The following CCBE1 variants were observed in gnomAD, a reference collection of about 807,000 sequenced individuals.
CCBE1 encodes the protein collagen and calcium binding EGF domains 1, also known as collagen and calcium-binding EGF domain-containing protein 1.
Under a neutral mutation model 50.0 loss-of-function variants are expected in CCBE1, and 37 were observed. The observed-to-expected ratio is 0.74, with a 90% CI of 0.57 to 0.97. CCBE1 has a LOEUF of 0.97. Ranked by LOEUF, CCBE1 falls within the 50% of genes least tolerant of loss-of-function variation. The probability of loss-of-function intolerance (pLI) is 0.00; values close to 1 mark genes in which losing one functional copy is unlikely to be tolerated. For synonymous variants in CCBE1, 234 were observed against 203.7 expected (o/e 1.15, Z -1.27); for missense variants, 538 against 523.8 (o/e 1.03, Z -0.26).
At chr18:59,470,385 A>G (rs1911974003) in intron 3 of CCBE1, among the ~76,000 whole-genome samples, 1 of 152,172 alleles carries the variant, frequency 6.6e-6, no homozygotes, top group African/African-American at 2.4e-5. Flanking sequence ...GAATTAAGGG[A>G]GCTACAATTC....
At chr18:59,593,351 G>C (rs1407008303) in intron 2 of CCBE1, among the ~76,000 whole-genome samples, 1 of 152,182 alleles carries the variant, frequency 6.6e-6, no homozygotes, top group Non-Finnish European at 1.5e-5. Context: ...TCCATTAGAT[G>C]ATGTGTGATC....
At position 59,694,734 on chromosome 18, in the gene CCBE1, G is replaced by A. The variant is rs141815156; in HGVS notation, c.212+1895C>T. Among the ~76,000 whole-genome samples, 322 of 152,272 alleles carry A rather than the reference G, an allele frequency of 2.1e-3. 1 individual carries two copies. The highest frequency in any genetic ancestry group is 7.3e-3 in the African/African-American group (305 of 41,552). ...ATCCTCTATTCTTGGGATTCAAGAA[G>A]AGTAGATTATAGAAACAGGATAAGA... On this transcript the variant is annotated intron_variant, in intron 2 of 10. Transcript: ENST00000439986.
chr18:59,640,541 T>A (rs543520303), intron 2 of CCBE1, among the ~76,000 whole-genome samples: 1 of 152,254 alleles, frequency 6.6e-6, no homozygotes, highest in East Asian at 1.9e-4. Context: ...GAAGATAATC[T>A]AATAAATACC....
chr18:59,652,836 C>T (rs957580402), intron 2 of CCBE1, among the ~76,000 whole-genome samples: 3 of 152,068 alleles, frequency 2.0e-5, no homozygotes, highest in Admixed American at 6.5e-5. Context: ...TGGCGGCGGG[C>T]GCCTGTAGTC....
chr18:59,446,235 C>T (rs1910662065), intron 7 of CCBE1, among the ~76,000 whole-genome samples: 1 of 152,222 alleles, frequency 6.6e-6, no homozygotes. Context: ...GAGAAGAAAG[C>T]TTGCAAGGCA....
At chr18:59,636,452 A>C (rs927441359) in intron 2 of CCBE1, among the ~76,000 whole-genome samples, 4 of 152,236 alleles carry the variant, frequency 2.6e-5, no homozygotes, top group Non-Finnish European at 5.9e-5. Flanking sequence ...AGATGAGTTC[A>C]GAAATTCTCT....
At position 59,649,201 on chromosome 18, in the gene CCBE1, C is replaced by T. The variant is rs533987644; in HGVS notation, c.212+47428G>A. Among the ~76,000 whole-genome samples, 61 of 152,292 alleles carry T rather than the reference C, an allele frequency of 4.0e-4. 2 individuals are homozygous for T. The South Asian group carries it at 7.2e-3, about 18-fold the overall frequency. On this transcript the variant is annotated intron_variant, in intron 2 of 10. Coordinates refer to ENST00000439986, the MANE Select transcript of CCBE1 (RefSeq NM_133459.4). ...TTGCCCATTATCTTATAGACAACAG[C>T]GGCCATCTGGAGATCTGCGCACTGC...
intron 2 of CCBE1, among the ~76,000 whole-genome samples, chr18:59,672,067 A>C (rs544407796): frequency 1.3e-5 from 2 of 152,296 alleles, no homozygotes; most frequent in South Asian, 4.1e-4. Context: ...CATAGGTACA[A>C]TCAGAGTAGA....
intron 2 of CCBE1, among the ~76,000 whole-genome samples, chr18:59,480,737 G>T (rs1912532912): frequency 2.0e-5 from 3 of 148,854 alleles, no homozygotes; most frequent in Admixed American, 2.0e-4. Flanking sequence ...CAAGCATTCT[G>T]ATTCTCATTT....
intron 2 of CCBE1, among the ~76,000 whole-genome samples, chr18:59,495,752 G>T (rs1240007711): frequency 6.6e-6 from 1 of 152,030 alleles, no homozygotes; most frequent in Non-Finnish European, 1.5e-5. Flanking sequence ...GATGTGGCAC[G>T]CACAGTAAGT....
At chr18:59,673,618 A>T (rs1599124708) in intron 2 of CCBE1, among the ~76,000 whole-genome samples, 1 of 152,222 alleles carries the variant, frequency 6.6e-6, no homozygotes, top group East Asian at 1.9e-4. Flanking sequence ...ACATTCCATC[A>T]ATACCTAGTT....
chr18:59,667,824 C>A (rs1310039855), intron 2 of CCBE1, among the ~76,000 whole-genome samples: 1 of 152,016 alleles, frequency 6.6e-6, no homozygotes, highest in Non-Finnish European at 1.5e-5. Flanking sequence ...GCACAAGAAA[C>A]GGTAATTTTC....
intron 2 of CCBE1, among the ~76,000 whole-genome samples, chr18:59,671,377 A>G (rs993641943): frequency 2.0e-5 from 3 of 151,944 alleles, no homozygotes; most frequent in East Asian, 1.9e-4. Flanking sequence ...AGGCGTCTAT[A>G]GTCCCAGCTG....
intron 2 of CCBE1, among the ~76,000 whole-genome samples, chr18:59,580,222 C>A (rs144022171): frequency 4.6e-5 from 7 of 152,160 alleles, no homozygotes; most frequent in Non-Finnish European, 1.0e-4. Flanking sequence ...CATATCTGAT[C>A]GCCTCCTTTG....
At chr18:59,545,909 T>G (rs1915663314) in intron 2 of CCBE1, among the ~76,000 whole-genome samples, 1 of 152,074 alleles carries the variant, frequency 6.6e-6, no homozygotes, top group Non-Finnish European at 1.5e-5. Flanking sequence ...ATTAAACCTC[T>G]TTTTCTTCTG....
At chr18:59,507,436 T>C (rs1280639561) in intron 2 of CCBE1, among the ~76,000 whole-genome samples, 1 of 152,256 alleles carries the variant, frequency 6.6e-6, no homozygotes, top group Non-Finnish European at 1.5e-5. Flanking sequence ...CAAGGCAATA[T>C]GACCTTCCTC....
At chr18:59,676,814 T>A (rs915611121) in intron 2 of CCBE1, among the ~76,000 whole-genome samples, 1 of 152,178 alleles carries the variant, frequency 6.6e-6, no homozygotes. Flanking sequence ...GGATGTGACA[T>A]CATAATTAAA....
chr18:59,674,774 T>C (rs2054477261), intron 2 of CCBE1, among the ~76,000 whole-genome samples: 1 of 152,242 alleles, frequency 6.6e-6, no homozygotes, highest in Non-Finnish European at 1.5e-5. Context: ...TTCTAAGATA[T>C]CTTGTGTAAT....
chr18:59,665,179 C>CG (rs1183508798), intron 2 of CCBE1, among the ~76,000 whole-genome samples: 4,714 of 124,826 alleles, frequency 0.038, 256 homozygotes, highest in African/African-American at 0.15. Flanking sequence ...CCAGAGTCCC[C>CG]CCGAGACAAA....
Sources: allele counts gnomAD v4.1 joint callset (sites outside exome capture counted in the v4.1 genomes callset), GRCh38; gene constraint gnomAD v4.1.1; transcripts MANE v1.5; gene names NCBI Gene and HGNC (gene_info 2026-07-23, HGNC 2026-07-21).